Variants in RDX observed in about 807,000 individuals in gnomAD.
The protein encoded by RDX is deafness, autosomal recessive 24.
RDX carries 32 observed loss-of-function variants against 83.7 expected under a neutral mutation model. The ratio of observed to expected loss-of-function variants is 0.38; its 90% confidence interval spans 0.29 to 0.51. RDX has a LOEUF of 0.51. RDX is among the 20% of genes least tolerant of loss of function. RDX has a pLI of 0.87. For missense variants in RDX, 600 were observed against 689.9 expected, an observed-to-expected ratio of 0.87 and a Z score of 1.46; for synonymous variants, 229 against 222.7, an observed-to-expected ratio of 1.03 and a Z score of -0.25.
intron 1 of RDX, among the ~76,000 whole-genome samples, chr11:110,293,123 A>C (rs1307881415): frequency 6.6e-6 from 1 of 152,238 alleles, no homozygotes; most frequent in Non-Finnish European, 1.5e-5. Flanking sequence ...ACAAGTTAAT[A>C]AGCATCCTTT....
At chr11:110,215,519 A>C (rs1864019469) in intron 14 of RDX, among the ~76,000 whole-genome samples, 1 of 152,190 alleles carries the variant, frequency 6.6e-6, no homozygotes, top group Non-Finnish European at 1.5e-5. Context: ...TAAACTGGAC[A>C]GACTAGAGTT....
intron 14 of RDX, among the ~76,000 whole-genome samples, chr11:110,216,303 G>A (rs1346306385): frequency 6.6e-6 from 1 of 152,028 alleles, no homozygotes; most frequent in Non-Finnish European, 1.5e-5. Context: ...TTTAAAGCAA[G>A]GCTGTAAATT....
intron 9 of RDX, among the ~76,000 whole-genome samples, chr11:110,253,216 T>C (rs970734385): frequency 1.3e-5 from 2 of 152,156 alleles, no homozygotes; most frequent in South Asian, 4.1e-4. Context: ...TACATATGTT[T>C]AGGGCTCTTC....
intron 11 of RDX, 31 bp downstream of exon 11, chr11:110,237,461 A>T (rs1273624899): frequency 1.2e-6 from 2 of 1,608,510 alleles, no homozygotes; most frequent in Admixed American, 1.7e-5. Flanking sequence ...CTTTTATTTA[A>T]ACTTTTTTCT....
chr11:110,201,331 A>C (rs543858168), intron 14 of RDX, among the ~76,000 whole-genome samples: 4 of 152,284 alleles, frequency 2.6e-5, no homozygotes, highest in African/African-American at 9.6e-5. Context: ...AAAGGAAGAG[A>C]ATTATTTTTC....
At chr11:110,233,112 C>G in intron 13 of RDX, 125 bp downstream of exon 13, 1 of 1,180,780 alleles carries the variant, frequency 8.5e-7, no homozygotes, top group South Asian at 1.3e-5. Flanking sequence ...AGGCCAAACA[C>G]CCACAAACCA....
In RDX at chr11:110,290,563, T is replaced by C. The variant is rs568326268; in HGVS notation, c.-65+5904A>G. 3.3e-5 allele frequency among the ~76,000 whole-genome samples: 5 copies of C among 152,264 alleles called. No individual in the cohort carries two copies. The South Asian group carries it at 6.2e-4, about 19-fold the overall frequency. Reference sequence around the variant, plus strand: ...TTATGAATACAATATGGCACATCTATCTGCCCATTAGAGTGAGAACTCCTG... The same window carrying C: ...TTATGAATACAATATGGCACATCTACCTGCCCATTAGAGTGAGAACTCCTG... On this transcript the variant is annotated intron_variant, in intron 1 of 13. Coordinates refer to ENST00000645495, the MANE Select transcript of RDX (RefSeq NM_002906.4).
chr11:110,275,208 C>T (rs1258631409), intron 2 of RDX, among the ~76,000 whole-genome samples: 1 of 152,134 alleles, frequency 6.6e-6, no homozygotes, highest in Non-Finnish European at 1.5e-5. Context: ...AAGATGGCCC[C>T]TGGTGTCATG....
intron 2 of RDX, among the ~76,000 whole-genome samples, chr11:110,275,709 G>C (rs1361814207): frequency 6.7e-6 from 1 of 149,858 alleles, no homozygotes; most frequent in African/African-American, 2.5e-5. Context: ...TGTCCTTTAT[G>C]ATAAACTGAC....
chr11:110,181,714 A>G (rs977645823), intron 15 of RDX: 5 of 152,452 alleles, frequency 3.3e-5, no homozygotes, highest in African/African-American at 9.6e-5. Context: ...AGTCCGGAGC[A>G]TATCTACCAA....
At chr11:110,264,557 A>T (rs1208833138) in intron 4 of RDX, among the ~76,000 whole-genome samples, 1 of 151,838 alleles carries the variant, frequency 6.6e-6, no homozygotes, top group Non-Finnish European at 1.5e-5. Flanking sequence ...TATTTGTTAT[A>T]GGCTAAGTTT....
chr11:110,182,818 T>C (rs914539929), intron 15 of RDX, among the ~76,000 whole-genome samples: 3 of 152,324 alleles, frequency 2.0e-5, no homozygotes, highest in Admixed American at 2.0e-4. Context: ...CTGCATTTAG[T>C]TAAACCAGAA....
intron 1 of RDX, among the ~76,000 whole-genome samples, chr11:110,281,459 T>G (rs576973157): frequency 2.4e-4 from 37 of 152,096 alleles, no homozygotes; most frequent in African/African-American, 8.7e-4. Context: ...CCTCCATAGC[T>G]GGAATTACAA....
intron 14 of RDX, among the ~76,000 whole-genome samples, chr11:110,216,388 T>G (rs956766994): frequency 6.6e-6 from 1 of 151,874 alleles, no homozygotes; most frequent in Non-Finnish European, 1.5e-5. Flanking sequence ...TTTTTTTTTT[T>G]TTGAAACAGG....
At chr11:110,255,153 G>T in intron 8 of RDX, 136 bp downstream of exon 8, 1 of 554,846 alleles carries the variant, frequency 1.8e-6, no homozygotes, top group Non-Finnish European at 3.3e-6. Context: ...TTCATCACTG[G>T]GAAAGCTGAC....
intron 2 of RDX, among the ~76,000 whole-genome samples, chr11:110,275,024 T>C (rs755430395): frequency 1.1e-4 from 17 of 152,228 alleles, no homozygotes; most frequent in African/African-American, 3.1e-4. Flanking sequence ...CCTGACAGCA[T>C]TGTATAAGAA....
intron 1 of RDX, among the ~76,000 whole-genome samples, chr11:110,280,767 G>A (rs768020078): frequency 6.6e-6 from 1 of 152,218 alleles, no homozygotes. Flanking sequence ...GGCTGAAGCT[G>A]CAGTGAGCGG....
At chr11:110,181,232 G>A (rs559823858) in intron 15 of RDX, among the ~76,000 whole-genome samples, 245 of 150,616 alleles carry the variant, frequency 1.6e-3, no homozygotes, top group African/African-American at 5.7e-3. Context: ...GAGCGAACTC[G>A]ACTCACTACA....
intron 3 of RDX, among the ~76,000 whole-genome samples, chr11:110,266,860 T>A (rs999982437): frequency 2.6e-5 from 4 of 151,790 alleles, no homozygotes; most frequent in Non-Finnish European, 5.9e-5. Flanking sequence ...AATGCTGGGA[T>A]TATAGATGCA....
Sources: gnomAD v4.1 joint callset for allele counts (sites outside exome capture counted in the v4.1 genomes callset) on GRCh38, gnomAD v4.1.1 for gene constraint, MANE v1.5 for transcripts, NCBI Gene and HGNC (gene_info 2026-07-23, HGNC 2026-07-21) for gene names.